The following ADA2 variants were observed in gnomAD, a reference collection of about 807,000 sequenced individuals.
The protein encoded by ADA2 is adenosine deaminase CECR1.
Under a neutral mutation model 44.2 loss-of-function variants are expected in ADA2, and 29 were observed. That is an observed-to-expected ratio of 0.66 (90% confidence interval 0.49 to 0.89). ADA2 has a LOEUF of 0.89. Ranked by LOEUF, ADA2 falls within the 40% of genes least tolerant of loss-of-function variation. ADA2 has a pLI of 0.00. For missense variants in ADA2, 637 were observed against 644.8 expected, an observed-to-expected ratio of 0.99 and a Z score of 0.13; for synonymous variants, 215 against 234.9, an observed-to-expected ratio of 0.92 and a Z score of 0.77.
At chr22:17,219,480 A>C (rs1458529093), upstream of ADA2, 1 of 152,340 alleles carries the variant, frequency 6.6e-6, no homozygotes, top group African/African-American at 2.4e-5. Context: ...TCCAGTGTGC[A>C]CCAGGGATCC....
In ADA2 at chr22:17,209,567, C is replaced by G. The variant is rs762722340; in HGVS notation, c.111G>C (p.Leu37=). 8 of 1,614,014 alleles carry G rather than the reference C, an allele frequency of 5.0e-6. No homozygotes were observed. The East Asian group carries it at 1.6e-4, about 31-fold the overall frequency. ...ALSIDETRAH[L]LLKEKMMRLG... ...GCCGCATCATCTTTTCTTTCAACAA[C>G]AGATGCGCCCGTGTTTCATCTATGG... Residue 37 remains leucine, a synonymous_variant, in exon 2 of 10, where the codon CTG becomes CTC. Transcript: ENST00000399837.
chr22:17,190,072 A>G (rs2062096049), intron 5 of ADA2, 40 bp from the exon 6 acceptor site: 1 of 1,474,216 alleles, frequency 6.8e-7, no homozygotes, highest in Non-Finnish European at 9.5e-7. Flanking sequence ...AGTGCCCAGC[A>G]CCGACAGAGC....
At position 17,201,000 on chromosome 22, in the gene ADA2, A is replaced by G. The variant is rs181275251; in HGVS notation, c.753+2563T>C. ...AATAACGAGTGGATCAGCTGAGGTC[A>G]GGAGTTCAAGACTAACCTGGCCAAC... On this transcript the variant is annotated intron_variant, in intron 4 of 9. Transcript: ENST00000399837. Among the ~76,000 whole-genome samples the G allele has an allele frequency of 3.5e-3, 530 of 152,250 alleles. 1 individual carries two copies. Among genetic ancestry groups the G allele is most frequent in the Middle Eastern group, 0.014 (4 of 294 alleles).
chr22:17,209,734 G>A lies in ADA2; in HGVS notation c.-46-11C>T, dbSNP rs1231404601. Reference sequence around the variant, plus strand: ...GGAGACTCCACGGGACTGCAAAGGAGAGTGGGGGAGTGAAAACCTACAGAT... The same window carrying A: ...GGAGACTCCACGGGACTGCAAAGGAAAGTGGGGGAGTGAAAACCTACAGAT... On this transcript the variant is annotated splice_polypyrimidine_tract_variant and intron_variant, in intron 1 of 9. Coordinates refer to ENST00000399837, the MANE Select transcript of ADA2 (RefSeq NM_001282225.2). 8 of 1,357,786 alleles carry A rather than the reference G, an allele frequency of 5.9e-6. No homozygotes were observed. The highest frequency in any genetic ancestry group is 8.1e-6 in the Non-Finnish European group (8 of 986,004). 84.1% of individuals were successfully genotyped at this position (1,357,786 alleles called of 1,614,324 possible).
In ADA2 at chr22:17,180,359, C is replaced by T. The variant is rs2061955587; in HGVS notation, c.*1124G>A. Reference sequence around the variant, plus strand: ...GGGGGACCGCGCAGCATCAAGAAGCCACCGCTGGAGTCCAGATGAGGGATG... The same window carrying T: ...GGGGGACCGCGCAGCATCAAGAAGCTACCGCTGGAGTCCAGATGAGGGATG... On this transcript the variant is annotated 3_prime_UTR_variant, in exon 10 of 10. Coordinates refer to ENST00000399837, the MANE Select transcript of ADA2 (RefSeq NM_001282225.2). 6.6e-6 allele frequency: 1 copy of T among 151,992 alleles called. No individual in the cohort carries two copies. The highest frequency in any genetic ancestry group is 2.4e-5 in the African/African-American group (1 of 41,346). 9.4% of individuals were successfully genotyped at this position (151,992 alleles called of 1,614,324 possible).
intron 6 of ADA2, 91 bp downstream of exon 6, chr22:17,189,851 G>A (rs1429456643): frequency 4.4e-5 from 39 of 882,674 alleles, no homozygotes; most frequent in East Asian, 2.7e-4. Context: ...GGCACATTGC[G>A]CTCCCTTCCC....
chr22:17,202,285 G>A (rs2041119), intron 4 of ADA2, among the ~76,000 whole-genome samples: 112,443 of 151,842 alleles, frequency 0.74, 42,274 homozygotes, highest in African/African-American at 0.85. Context: ...ATGCGCCATC[G>A]CGCCCAGCTA....
At chr22:17,207,749 A>C (rs958132831) in intron 2 of ADA2, among the ~76,000 whole-genome samples, 6 of 152,156 alleles carry the variant, frequency 3.9e-5, no homozygotes, top group Non-Finnish European at 8.8e-5. Context: ...GAGGCCACCC[A>C]ACACTGCATG....
chr22:17,203,999 G>A (rs1568984991), intron 3 of ADA2, among the ~76,000 whole-genome samples: 1 of 151,992 alleles, frequency 6.6e-6, no homozygotes, highest in Non-Finnish European at 1.5e-5. Context: ...AACCCCAAAC[G>A]CAGGAGACTG....
At chr22:17,217,506 C>T (rs2062484862) in intron 1 of ADA2, among the ~76,000 whole-genome samples, 1 of 152,296 alleles carries the variant, frequency 6.6e-6, no homozygotes, top group Non-Finnish European at 1.5e-5. Context: ...TATGCTGCTC[C>T]TTTACCTGGG....
intron 5 of ADA2, among the ~76,000 whole-genome samples, chr22:17,190,242 C>T (rs1033600591): frequency 1.1e-4 from 16 of 152,220 alleles, no homozygotes; most frequent in South Asian, 2.1e-4. Flanking sequence ...TTATCAAAGA[C>T]CCTTGCTGGC....
upstream of ADA2, among the ~76,000 whole-genome samples, chr22:17,221,142 CAAAA>C (rs111835390): frequency 7.7e-6 from 1 of 129,160 alleles, no homozygotes; most frequent in Non-Finnish European, 1.7e-5. Flanking sequence ...GATTTTGTCT[CAAAA>C]AAAAAAAAAA....
chr22:17,213,938 C>A (rs1387296119), intron 1 of ADA2: 4 of 321,762 alleles, frequency 1.2e-5, no homozygotes. Context: ...ACTCAGGAGG[C>A]TGAGGCAGGA....
chr22:17,220,289 A>G (rs1352719820), upstream of ADA2, among the ~76,000 whole-genome samples: 1 of 152,098 alleles, frequency 6.6e-6, no homozygotes, highest in Non-Finnish European at 1.5e-5. Flanking sequence ...GACCAGCAAG[A>G]ACAACGCTCC....
chr22:17,186,078 G>T (rs912234718), intron 7 of ADA2, among the ~76,000 whole-genome samples: 2 of 152,206 alleles, frequency 1.3e-5, no homozygotes, highest in South Asian at 4.1e-4. Context: ...GTTTCAGGAG[G>T]AACAGCAGCC....
intron 4 of ADA2, among the ~76,000 whole-genome samples, chr22:17,202,008 G>A (rs986241750): frequency 5.2e-5 from 6 of 115,140 alleles, no homozygotes; most frequent in African/African-American, 2.1e-4. Context: ...GTCTCGCTCT[G>A]TCATCCAGGC....
At chr22:17,208,431 A>G (rs1417024079) in intron 2 of ADA2, among the ~76,000 whole-genome samples, 3 of 104,920 alleles carry the variant, frequency 2.9e-5, no homozygotes, top group Non-Finnish European at 6.8e-5. Flanking sequence ...CTCAAAAAAA[A>G]AAAGAAAAAA....
rs2062360201 is a variant in ADA2 at position 17,207,051 on chromosome 22, C to T, written c.542+20G>A. ...CCCCATGACAGGCCTGGGACATGTG[C>T]TTTCTGAACTACTACTCACCTGTCA... On this transcript the variant is annotated intron_variant, in intron 3 of 9. Coordinates refer to ENST00000399837, the MANE Select transcript of ADA2 (RefSeq NM_001282225.2). 6.3e-7 allele frequency: 1 copy of T among 1,595,574 alleles called. No homozygotes were observed. Among genetic ancestry groups the T allele is most frequent in the Admixed American group, 1.7e-5 (1 of 59,884 alleles).
chr22:17,189,756 C>A, intron 6 of ADA2, 186 bp downstream of exon 6: 1 of 564,080 alleles, frequency 1.8e-6, no homozygotes. Flanking sequence ...CCCCTGTAGG[C>A]CTCTGAAGAG....
Sources: allele counts gnomAD v4.1 joint callset (sites outside exome capture counted in the v4.1 genomes callset), GRCh38; gene constraint gnomAD v4.1.1; transcripts MANE v1.5; gene names NCBI Gene and HGNC (gene_info 2026-07-23, HGNC 2026-07-21).